Variants in CACNA1C observed in about 807,000 individuals in gnomAD.
CACNA1C encodes the protein voltage-dependent L-type calcium channel subunit alpha-1C.
A neutral mutation model predicts 229.0 loss-of-function variants in CACNA1C; 30 were observed. That is an observed-to-expected ratio of 0.13 (90% confidence interval 0.10 to 0.18). CACNA1C has a LOEUF of 0.18. Among genes scored for constraint, CACNA1C ranks in the 10% least tolerant of loss-of-function variants. The probability of loss-of-function intolerance (pLI) is 1.00; values close to 1 mark genes in which losing one functional copy is unlikely to be tolerated. For missense variants in CACNA1C, 1,658 were observed against 2,845.0 expected, an observed-to-expected ratio of 0.58 and a Z score of 9.49; for synonymous variants, 1,114 against 1,132.5, an observed-to-expected ratio of 0.98 and a Z score of 0.33.
At chr12:2,409,706 C>A (rs781369340) in intron 3 of CACNA1C, among the ~76,000 whole-genome samples, 1 of 152,218 alleles carries the variant, frequency 6.6e-6, no homozygotes, top group Non-Finnish European at 1.5e-5. Flanking sequence ...GCAGTCCCCC[C>A]CAAACCCCTT....
At chr12:2,641,366 C>T (rs564696710) in intron 30 of CACNA1C, 24 of 208,146 alleles carry the variant, frequency 1.2e-4, no homozygotes, top group Middle Eastern at 1.6e-3. Flanking sequence ...GTAGGGGGCT[C>T]CAGTGGGTGC....
At chr12:2,204,853 T>G in intron 3 of CACNA1C, among the ~76,000 whole-genome samples, 1 of 143,050 alleles carries the variant, frequency 7.0e-6, no homozygotes, top group South Asian at 2.4e-4. Flanking sequence ...AGATGATGAG[T>G]TAGTGGGTGC....
intron 9 of CACNA1C, among the ~76,000 whole-genome samples, chr12:2,543,712 G>T (rs752370402): frequency 6.6e-6 from 1 of 152,196 alleles, no homozygotes; most frequent in Non-Finnish European, 1.5e-5. Flanking sequence ...ACCATCCAGG[G>T]AGATGATTTA....
At chr12:2,351,031 T>A (rs950969668) in intron 3 of CACNA1C, among the ~76,000 whole-genome samples, 1 of 152,212 alleles carries the variant, frequency 6.6e-6, no homozygotes. Flanking sequence ...TCTGGTCTGT[T>A]CCCTCGGGCC....
chr12:2,172,842 G>C (rs1204117693), intron 3 of CACNA1C, among the ~76,000 whole-genome samples: 1 of 152,246 alleles, frequency 6.6e-6, no homozygotes, highest in African/African-American at 2.4e-5. Flanking sequence ...CTTGTCTGTG[G>C]AGAACGGATA....
chr12:2,173,321 G>A (rs529292955), intron 3 of CACNA1C, among the ~76,000 whole-genome samples: 2 of 152,274 alleles, frequency 1.3e-5, no homozygotes, highest in South Asian at 2.1e-4. Flanking sequence ...GTCACCATAG[G>A]AAAGAAATTC....
chr12:2,419,515 C>T (rs185189092), intron 3 of CACNA1C, among the ~76,000 whole-genome samples: 4 of 152,256 alleles, frequency 2.6e-5, no homozygotes, highest in Non-Finnish European at 1.5e-5. Context: ...AACTATAGCA[C>T]CACCATGCCA....
Position 2,632,874 on chromosome 12 carries a change from C to T in CACNA1C, c.3829-1423C>T, listed in dbSNP as rs1302583469. Among the ~76,000 whole-genome samples, 4 of 152,262 alleles carry T rather than the reference C, an allele frequency of 2.6e-5. No individual in the cohort carries two copies. The highest frequency in any genetic ancestry group is 3.9e-4 in the East Asian group (2 of 5,176). On this transcript the variant is annotated intron_variant, in intron 29 of 46. Coordinates refer to ENST00000399655, the MANE Select transcript of CACNA1C (RefSeq NM_000719.7). This position sits in a 1 kb window ranked among gnomAD's most constrained non-coding sequence, Gnocchi z 4.1. ...TGTCAAGAGCCACATAACACACTCCCGGAGTAGGAGCCCAGCCTTGCCTCT... is the reference window on the plus strand; with the variant it reads ...TGTCAAGAGCCACATAACACACTCCTGGAGTAGGAGCCCAGCCTTGCCTCT...
At chr12:1,979,181 T>G (rs566176271) in intron 1 of CACNA1C, among the ~76,000 whole-genome samples, 71 of 152,166 alleles carry the variant, frequency 4.7e-4, no homozygotes, top group African/African-American at 1.7e-3. Context: ...CCTGGCTAAT[T>G]TTTTTTATTT....
chr12:2,413,925 A>G (rs918163424), intron 3 of CACNA1C, among the ~76,000 whole-genome samples: 1 of 152,144 alleles, frequency 6.6e-6, no homozygotes, highest in African/African-American at 2.4e-5. Flanking sequence ...GCTAGACTAT[A>G]AGCTCCTTAA....
At chr12:2,320,979 C>A (rs1165059380) in intron 3 of CACNA1C, among the ~76,000 whole-genome samples, 3 of 152,364 alleles carry the variant, frequency 2.0e-5, no homozygotes, top group African/African-American at 7.2e-5. Context: ...TCCATCACCA[C>A]ACGGATGCTG....
At chr12:2,073,131 C>T (rs2061962810) in intron 1 of CACNA1C, among the ~76,000 whole-genome samples, 1 of 152,160 alleles carries the variant, frequency 6.6e-6, no homozygotes, top group African/African-American at 2.4e-5. Context: ...CAAAGTCTTG[C>T]TCTGTTTTCC....
In CACNA1C at chr12:2,634,337, T is replaced by C; in HGVS notation, c.3869T>C (p.Ile1290Thr). 6.3e-7 allele frequency: 1 copy of C among 1,585,278 alleles called. No individual in the cohort carries two copies. The highest frequency in any genetic ancestry group is 8.6e-7 in the Non-Finnish European group (1 of 1,163,528). The change falls in exon 30 of 47, where the codon ATT (isoleucine) becomes ACT (threonine). Residue 1290 changes from isoleucine (I) to threonine (T), a missense_variant. Ile to Thr is a moderately conservative substitution (Grantham distance 89, BLOSUM62 -1). This residue lies in a region of CACNA1C where 38 missense variants were observed against 53.3 expected (regional missense o/e 0.71). Coordinates refer to ENST00000399655, the MANE Select transcript of CACNA1C (RefSeq NM_000719.7). ...CDAWNTFDAL[I>T]VVGSIVDIAI... is the part of the protein sequence containing the mutation. ...GCATGGAATACATTTGACGCCTTGA[T>C]TGTTGTGGGTAGCATTGTTGATATA...
intron 46 of CACNA1C, among the ~76,000 whole-genome samples, chr12:2,690,361 GCT>G (rs2097756111): frequency 6.6e-6 from 1 of 152,152 alleles, no homozygotes; most frequent in Non-Finnish European, 1.5e-5. Flanking sequence ...ACAGGGTCTC[GCT>G]CTGTCACCCA....
chr12:2,105,665 CCT>C, intron 1 of CACNA1C, among the ~76,000 whole-genome samples: 1 of 99,622 alleles, frequency 1.0e-5, no homozygotes, highest in Non-Finnish European at 2.1e-5. Flanking sequence ...AGCTGGGCAT[CCT>C]GAAGCCACTG....
intron 3 of CACNA1C, among the ~76,000 whole-genome samples, chr12:2,439,587 C>T (rs2099196204): frequency 6.6e-6 from 1 of 151,896 alleles, no homozygotes; most frequent in African/African-American, 2.4e-5. Context: ...GGCAGGGAGG[C>T]AAGTCAGGCC....
intron 3 of CACNA1C, among the ~76,000 whole-genome samples, chr12:2,228,642 T>C (rs967800042): frequency 6.6e-6 from 1 of 152,208 alleles, no homozygotes; most frequent in African/African-American, 2.4e-5. Flanking sequence ...ATTTTGAGCC[T>C]TTCTGAGTGA....
At chr12:2,143,133 G>T (rs909005184) in intron 3 of CACNA1C, among the ~76,000 whole-genome samples, 1 of 150,926 alleles carries the variant, frequency 6.6e-6, no homozygotes, top group African/African-American at 2.4e-5. Context: ...CTGCCACCAT[G>T]CCCGGCTAAG....
chr12:2,427,922 G>A (rs1004279257), intron 3 of CACNA1C, among the ~76,000 whole-genome samples: 1 of 152,130 alleles, frequency 6.6e-6, no homozygotes, highest in Admixed American at 6.5e-5. Context: ...GCCTGGCCAT[G>A]AGGCATATTT....
Sources: gnomAD v4.1 joint callset for allele counts (sites outside exome capture counted in the v4.1 genomes callset) on GRCh38, gnomAD v4.1.1 for gene constraint, gnomAD v4.1.1 regional missense constraint, Gnocchi (gnomAD v3.1) non-coding constraint, MANE v1.5 for transcripts, NCBI Gene and HGNC (gene_info 2026-07-23, HGNC 2026-07-21) for gene names.